The following PER2 variants were observed in gnomAD, a reference collection of about 807,000 sequenced individuals.
PER2 encodes period circadian regulator 2, also known as period circadian protein homolog 2.
Under a neutral mutation model 121.0 loss-of-function variants are expected in PER2, and 66 were observed. The ratio of observed to expected loss-of-function variants is 0.55; its 90% CI spans 0.45 to 0.67. The LOEUF is 0.67. Ranked by LOEUF, PER2 falls within the 30% of genes least tolerant of loss-of-function variation. The pLI is 0.00. For missense variants in PER2, 1,521 were observed against 1,635.0 expected, an observed-to-expected ratio of 0.93 and a Z score of 1.20; for synonymous variants, 684 against 659.9, an observed-to-expected ratio of 1.04 and a Z score of -0.56.
chr2:238,289,074 C>T (rs1019708799), upstream of PER2: 1 of 152,246 alleles, frequency 6.6e-6, no homozygotes, highest in Non-Finnish European at 1.5e-5. Context: ...CCCTCAAGCC[C>T]GCCAGCTCGG....
At chr2:238,262,119 G>A (rs1695951777) in intron 11 of PER2, 72 bp downstream of exon 11, 1 of 1,402,062 alleles carries the variant, frequency 7.1e-7, no homozygotes, top group Non-Finnish European at 1.0e-6. Flanking sequence ...GCCATCTGTT[G>A]CTGGGAGGTG....
Position 238,262,271 on chromosome 2 carries a change from C to A in PER2, c.1227G>T (p.Thr409=). 4 of 1,613,978 alleles carry A rather than the reference C, an allele frequency of 2.5e-6. No homozygotes were observed. The highest frequency in any genetic ancestry group is 3.4e-6 in the Non-Finnish European group (4 of 1,179,938). The change falls in exon 11 of 23, where the codon ACG becomes ACT. Residue 409 remains threonine, a synonymous_variant. Coordinates refer to ENST00000254657, the MANE Select transcript of PER2 (RefSeq NM_022817.3). ...RFRARNGEYI[T]LDTSWSSFIN... is the part of the protein sequence containing the mutation. ...TGAAGCTGGACCAGCTGGTGTCCAA[C>A]GTGATGTACTCTCCGTTCCGGGCGC...
At chr2:238,282,406 T>C (rs1210167314) in intron 1 of PER2, among the ~76,000 whole-genome samples, 1 of 152,026 alleles carries the variant, frequency 6.6e-6, no homozygotes, top group Non-Finnish European at 1.5e-5. Flanking sequence ...GGACCTAAGC[T>C]CCATGGGGGC....
At chr2:238,274,841 G>A (rs1696403619) in intron 4 of PER2, among the ~76,000 whole-genome samples, 1 of 152,154 alleles carries the variant, frequency 6.6e-6, no homozygotes, top group African/African-American at 2.4e-5. Flanking sequence ...GGATTAGGGA[G>A]GAGCCTGCAG....
At chr2:238,257,948 G>T (rs1559326017) in intron 16 of PER2, among the ~76,000 whole-genome samples, 1 of 152,260 alleles carries the variant, frequency 6.6e-6, no homozygotes, top group Non-Finnish European at 1.5e-5. Context: ...CAGTGTGGCT[G>T]CATGAGGGGG....
At chr2:238,278,172 C>T (rs1432611617) in intron 1 of PER2, among the ~76,000 whole-genome samples, 5 of 152,112 alleles carry the variant, frequency 3.3e-5, no homozygotes, top group African/African-American at 9.7e-5. Context: ...TGGGCTCAAG[C>T]GATCCTCCCA....
chr2:238,248,460 G>C (rs1377053620), intron 22 of PER2, among the ~76,000 whole-genome samples: 1 of 152,136 alleles, frequency 6.6e-6, no homozygotes, highest in Non-Finnish European at 1.5e-5. Context: ...GGGACACTGA[G>C]GGTTTGTGAC....
chr2:238,277,653 A>C, intron 2 of PER2, 54 bp downstream of exon 2: 1 of 1,595,570 alleles, frequency 6.3e-7, no homozygotes, highest in Non-Finnish European at 8.6e-7. Context: ...AGCAGAAATG[A>C]GCCACTGAGA....
chr2:238,293,767 A>G (rs1327465526), upstream of PER2, among the ~76,000 whole-genome samples: 4 of 151,844 alleles, frequency 2.6e-5, no homozygotes, highest in Non-Finnish European at 4.4e-5. Flanking sequence ...AAGAAAAAAA[A>G]GAAAGAAAAA....
intron 14 of PER2, among the ~76,000 whole-genome samples, chr2:238,259,753 C>T (rs913486436): frequency 1.3e-5 from 2 of 152,228 alleles, no homozygotes; most frequent in African/African-American, 2.4e-5. Context: ...GCATCAGGTG[C>T]CCAGTGTGGA....
chr2:238,277,526 G>A (rs534933807), intron 2 of PER2, among the ~76,000 whole-genome samples, 181 bp downstream of exon 2: 7 of 152,292 alleles, frequency 4.6e-5, no homozygotes, highest in African/African-American at 1.7e-4. Flanking sequence ...CTGGATCTGC[G>A]AACTCGACAG....
chr2:238,260,548 A>G (rs192576784), intron 13 of PER2, among the ~76,000 whole-genome samples: 1 of 152,260 alleles, frequency 6.6e-6, no homozygotes, highest in East Asian at 1.9e-4. Context: ...GAATCACCGC[A>G]CCCAGCCCAC....
intron 16 of PER2, 79 bp from the exon 17 acceptor site, chr2:238,257,165 C>T (rs60242091): frequency 1.5e-6 from 2 of 1,346,126 alleles, no homozygotes; most frequent in Non-Finnish European, 2.1e-6. Flanking sequence ...CACCCAAGTG[C>T]CCATACAGCT....
chr2:238,263,156 C>T, intron 9 of PER2, 98 bp from the exon 10 acceptor site: 1 of 776,070 alleles, frequency 1.3e-6, no homozygotes, highest in Non-Finnish European at 2.2e-6. Flanking sequence ...AAGATACACT[C>T]CAAACCCCAC....
chr2:238,298,330 G>A, the PER2 span: 8 of 152,274 alleles, frequency 5.3e-5, 1 homozygote, highest in Admixed American at 3.3e-4. Flanking sequence ...CACCGCGCCC[G>A]GCCAAAGCTT....
Position 238,252,784 on chromosome 2 carries a change from A to G in PER2, c.3111+128T>C. The G allele has an allele frequency of 1.2e-6, 1 of 859,548 alleles. No homozygotes were observed. Among genetic ancestry groups the G allele is most frequent in the Non-Finnish European group, 2.0e-6 (1 of 505,746 alleles). The allele number at this position is 859,548 out of a possible 1,614,324, so 53.2% of individuals were successfully genotyped here. ...AATTTCTGGCACACACATTCATGGC[A>G]AAACCTACAGGGTTTGGTGGAAACC... On this transcript the variant is annotated intron_variant, in intron 19 of 22. Transcript: ENST00000254657. The surrounding 1 kb of genome is among the most constrained non-coding windows in gnomAD (Gnocchi z 4.2).
Position 238,277,800 on chromosome 2 carries a change from T to A in PER2, c.137A>T (p.Asn46Ile). 1 of 1,614,158 alleles carries A rather than the reference T, an allele frequency of 6.2e-7. No individual in the cohort carries two copies. Among genetic ancestry groups the A allele is most frequent in the Non-Finnish European group, 8.5e-7 (1 of 1,180,006 alleles). Residue 46 changes from asparagine to isoleucine, a missense_variant, in exon 2 of 23, where the codon AAC (asparagine) becomes ATC (isoleucine). Asn to Ile is a moderately radical substitution (Grantham distance 149, BLOSUM62 -3). Coordinates refer to ENST00000254657, the MANE Select transcript of PER2 (RefSeq NM_022817.3). ...CTGCGAGTCCCGCCCCGTGGAGCAG[T>A]TTTCGTTGGTCTCATGTCCACTGGA... ...SGSSGHETNE[N>I]CSTGRDSQGS... is the part of the protein sequence containing the mutation.
chr2:238,257,627 T>C (rs578261468), intron 16 of PER2, among the ~76,000 whole-genome samples: 2 of 152,288 alleles, frequency 1.3e-5, no homozygotes, highest in Admixed American at 6.5e-5. Context: ...GCATGCACCA[T>C]GATGCCTGGC....
chr2:238,287,806 C>T (rs1488120630), intron 1 of PER2, among the ~76,000 whole-genome samples: 1 of 152,232 alleles, frequency 6.6e-6, no homozygotes, highest in Non-Finnish European at 1.5e-5. Flanking sequence ...AACTCGTCAT[C>T]CCTTACCCTG....
Sources: gnomAD v4.1 joint callset for allele counts (sites outside exome capture counted in the v4.1 genomes callset) on GRCh38, gnomAD v4.1.1 for gene constraint, Gnocchi (gnomAD v3.1) non-coding constraint, MANE v1.5 for transcripts, NCBI Gene and HGNC (gene_info 2026-07-23, HGNC 2026-07-21) for gene names.